Variants in PCDHGB3 observed in about 807,000 individuals in gnomAD.
PCDHGB3 encodes protocadherin gamma subfamily B, 3.
Under a neutral mutation model 59.2 loss-of-function variants are expected in PCDHGB3, and 40 were observed. The ratio of observed to expected loss-of-function variants is 0.68; its 90% CI spans 0.52 to 0.88. The LOEUF (loss-of-function observed/expected upper bound fraction) is 0.88, where lower values mean the gene tolerates loss of function less well. Ranked by LOEUF, PCDHGB3 falls within the 40% of genes least tolerant of loss-of-function variation. The probability of loss-of-function intolerance (pLI) is 0.00; values close to 1 mark genes in which losing one functional copy is unlikely to be tolerated. For missense variants in PCDHGB3, 1,309 were observed against 1,187.9 expected (o/e 1.10, Z -1.50); for synonymous variants, 581 against 503.6 (o/e 1.15, Z -2.06).
At position 141,395,150 on chromosome 5, in the gene PCDHGB3, C is replaced by T. The variant is rs368875505; in HGVS notation, c.2415+22341C>T. ...CCCAGCCCAACTACGCAGACATGCT[C>T]ATCAGTCAGGAGGGCTGTGAGAAAA... On this transcript the variant is annotated intron_variant, in intron 1 of 3. Transcript: ENST00000576222. 8 of 1,614,044 alleles carry T rather than the reference C, an allele frequency of 5.0e-6. No individual in the cohort carries two copies. In the African/African-American group the frequency reaches 6.7e-5, roughly 13 times the overall value.
intron 1 of PCDHGB3, chr5:141,418,940 C>T (rs867717378): frequency 5.6e-6 from 9 of 1,614,010 alleles, no homozygotes; most frequent in Non-Finnish European, 7.6e-6. Flanking sequence ...GGAGGATTCC[C>T]CTCCAGGAGT....
chr5:141,387,923 G>T lies in PCDHGB3; in HGVS notation c.2415+15114G>T, dbSNP rs2091157364. The T allele has an allele frequency of 2.7e-6, 4 of 1,475,394 alleles. No individual in the cohort carries two copies. In the Admixed American group the frequency reaches 1.1e-4, roughly 39 times the overall value. 91.4% of individuals were successfully genotyped at this position (1,475,394 alleles called of 1,614,324 possible). On this transcript the variant is annotated intron_variant, in intron 1 of 3. Coordinates refer to ENST00000576222, the MANE Select transcript of PCDHGB3 (RefSeq NM_018924.5). ...CCGGGGAGCTGGGCCGGGCTGAGAG[G>T]CTGCCAGTGCTCTTTCTCTTCCTGC...
intron 1 of PCDHGB3, chr5:141,433,239 G>A: frequency 1.3e-6 from 2 of 1,494,126 alleles, no homozygotes; most frequent in Non-Finnish European, 1.8e-6. Context: ...TGTCTCCCAA[G>A]CTGGAATGCA....
intron 1 of PCDHGB3, chr5:141,403,857 C>T (rs1431988074): frequency 6.2e-7 from 1 of 1,613,412 alleles, no homozygotes; most frequent in South Asian, 1.1e-5. Flanking sequence ...GGGGAAATAT[C>T]AACAGCAAAA....
chr5:141,505,182 C>T (rs1302018549), intron 2 of PCDHGB3, among the ~76,000 whole-genome samples: 2 of 152,094 alleles, frequency 1.3e-5, no homozygotes, highest in East Asian at 3.9e-4. Context: ...AAAAAAGCAT[C>T]GGAGGCAGCA....
intron 1 of PCDHGB3, among the ~76,000 whole-genome samples, chr5:141,494,218 T>C (rs1224329242): frequency 1.3e-5 from 2 of 152,222 alleles, no homozygotes; most frequent in South Asian, 2.1e-4. Context: ...CAATCTGGCA[T>C]GACTCCTAAA....
rs754140602 is a variant in PCDHGB3 at position 141,410,043 on chromosome 5, C to G, written c.2415+37234C>G. Reference sequence around the variant, plus strand: ...TACCACGTGCTGCAGGCCAGTGAGCCCGGACTCTTCAGCCTGGGGCTGCGC... The same window carrying G: ...TACCACGTGCTGCAGGCCAGTGAGCGCGGACTCTTCAGCCTGGGGCTGCGC... On this transcript the variant is annotated intron_variant, in intron 1 of 3. Transcript: ENST00000576222. 13 of 1,613,080 alleles carry G rather than the reference C, an allele frequency of 8.1e-6. No homozygotes were observed. The South Asian group carries it at 1.2e-4, about 15-fold the overall frequency.
At chr5:141,402,820 C>G (rs1351401631) in intron 1 of PCDHGB3, 2 of 1,288,046 alleles carry the variant, frequency 1.6e-6, no homozygotes, top group Admixed American at 5.9e-5. Flanking sequence ...CACAAACCTG[C>G]TCCCAGGCTG....
At chr5:141,375,501 C>T in intron 1 of PCDHGB3, 1 of 1,614,040 alleles carries the variant, frequency 6.2e-7, no homozygotes, top group Non-Finnish European at 8.5e-7. Flanking sequence ...TCCATCTTCT[C>T]TGTGAATGCA....
intron 1 of PCDHGB3, chr5:141,399,019 A>G (rs576771907): frequency 2.5e-6 from 4 of 1,613,932 alleles, no homozygotes; most frequent in East Asian, 2.2e-5. Context: ...CGGAGAAATT[A>G]CCACTCAAAA....
rs370704205 is a variant in PCDHGB3, at chr5:141,422,166, T to C, written c.2415+49357T>C. 4.5e-6 allele frequency: 7 copies of C among 1,569,374 alleles called. No individual in the cohort carries two copies. In the South Asian group the frequency reaches 8.5e-5, roughly 19 times the overall value. ...GGGGGTCTCTGGATTTTGAAAAATA[T>C]AGATTCTATGAGATGGAAATTCAAG... On this transcript the variant is annotated intron_variant, in intron 1 of 3. Coordinates refer to ENST00000576222, the MANE Select transcript of PCDHGB3 (RefSeq NM_018924.5).
intron 1 of PCDHGB3, among the ~76,000 whole-genome samples, chr5:141,451,719 TA>T (rs2098722539): frequency 6.6e-6 from 1 of 152,016 alleles, no homozygotes; most frequent in Non-Finnish European, 1.5e-5. Flanking sequence ...CTGCCTCTAC[TA>T]AAAATACAAA....
chr5:141,474,703 C>A (rs2099353282), intron 1 of PCDHGB3, among the ~76,000 whole-genome samples: 1 of 152,188 alleles, frequency 6.6e-6, no homozygotes, highest in African/African-American at 2.4e-5. Flanking sequence ...GTTCAAGGTT[C>A]TATTATACTT....
At chr5:141,415,729 T>A in intron 1 of PCDHGB3, 1 of 1,442,780 alleles carries the variant, frequency 6.9e-7, no homozygotes, top group Non-Finnish European at 9.1e-7. Flanking sequence ...TAGAATTTGA[T>A]GTTTATTAAG....
chr5:141,427,978 T>C (rs750753961), intron 1 of PCDHGB3: 1 of 1,595,484 alleles, frequency 6.3e-7, no homozygotes, highest in African/African-American at 1.3e-5. Flanking sequence ...TACCCCGCGC[T>C]GGGGCCCGAT....
chr5:141,388,430 TAAAG>T (rs2091357990), intron 1 of PCDHGB3: 1 of 1,613,634 alleles, frequency 6.2e-7, no homozygotes, highest in South Asian at 1.1e-5. Context: ...CACTGATAAA[TAAAG>T]AGAAATCAGA....
rs771088007 is a variant in PCDHGB3, at chr5:141,423,000, G to A, written c.2415+50191G>A. On this transcript the variant is annotated intron_variant, in intron 1 of 3. Transcript: ENST00000576222. ...CGGAACCTGGCTACCTGGTGACCAA[G>A]GTGGTTGCGGTGGACAAAGATTCAG... The A allele has an allele frequency of 9.3e-6, 15 of 1,614,116 alleles. No homozygotes were observed. The African/African-American group carries it at 1.9e-4, about 20-fold the overall frequency.
At chr5:141,483,064 A>G (rs1245942485) in intron 1 of PCDHGB3, among the ~76,000 whole-genome samples, 2 of 152,142 alleles carry the variant, frequency 1.3e-5, no homozygotes, top group Non-Finnish European at 2.9e-5. Context: ...CAGCATGGGC[A>G]ACAGAGAGAG....
rs2099068970 is a variant in PCDHGB3 at position 141,463,759 on chromosome 5, T to C, written c.2416-31048T>C. 2.0e-5 allele frequency among the ~76,000 whole-genome samples: 3 copies of C among 152,234 alleles called. No homozygotes were observed. The South Asian group carries it at 6.2e-4, about 32-fold the overall frequency. ...CCGCGCCCGGCCTGCTTCTCTTCTCTTATGGGTTAGAATCCTGCACTGTCT... is the reference window on the plus strand; with the variant it reads ...CCGCGCCCGGCCTGCTTCTCTTCTCCTATGGGTTAGAATCCTGCACTGTCT... On this transcript the variant is annotated intron_variant, in intron 1 of 3. Transcript: ENST00000576222.
Sources: allele counts gnomAD v4.1 joint callset (sites outside exome capture counted in the v4.1 genomes callset), GRCh38; gene constraint gnomAD v4.1.1; transcripts MANE v1.5; gene names NCBI Gene and HGNC (gene_info 2026-07-23, HGNC 2026-07-21).